The following KCNIP4 variants were observed in gnomAD, a reference collection of about 807,000 sequenced individuals.
KCNIP4 encodes potassium voltage-gated channel interacting protein 4, also known as Kv channel-interacting protein 4.
A neutral mutation model predicts 34.0 loss-of-function variants in KCNIP4; 12 were observed. The ratio of observed to expected loss-of-function variants is 0.35; its 90% CI spans 0.23 to 0.57. KCNIP4 has a LOEUF of 0.57. Among genes scored for constraint, KCNIP4 ranks in the 20% least tolerant of loss-of-function variants. KCNIP4 has a pLI of 0.83. For synonymous variants in KCNIP4, 124 were observed against 102.2 expected (o/e 1.21, Z -1.29); for missense variants, 238 against 311.7 (o/e 0.76, Z 1.78).
chr4:21,541,996 G>T (rs1255651483), intron 1 of KCNIP4, among the ~76,000 whole-genome samples: 2 of 152,136 alleles, frequency 1.3e-5, no homozygotes, highest in Non-Finnish European at 2.9e-5. Context: ...AGTTAATACT[G>T]CTCCTTTTCT....
chr4:21,112,066 TATCTATC>T (rs1166169607), intron 1 of KCNIP4, among the ~76,000 whole-genome samples: 1 of 149,994 alleles, frequency 6.7e-6, no homozygotes, highest in Non-Finnish European at 1.5e-5. Flanking sequence ...TCTATCTATC[TATCTATC>T]ATCTATATCA....
chr4:21,746,062 G>A (rs1056989626), intron 1 of KCNIP4, among the ~76,000 whole-genome samples: 11 of 152,056 alleles, frequency 7.2e-5, no homozygotes, highest in African/African-American at 2.4e-5. Flanking sequence ...TTTGCAAATG[G>A]CCACATTCTT....
chr4:21,200,201 C>A (rs1483618443), intron 1 of KCNIP4, among the ~76,000 whole-genome samples: 1 of 151,504 alleles, frequency 6.6e-6, no homozygotes, highest in African/African-American at 2.4e-5. Context: ...AAAAAAGACA[C>A]CTGCATGCAT....
intron 1 of KCNIP4, among the ~76,000 whole-genome samples, chr4:21,715,338 G>A (rs1284008536): frequency 1.3e-5 from 2 of 151,932 alleles, no homozygotes; most frequent in African/African-American, 4.8e-5. Flanking sequence ...CACCGTGTTG[G>A]CCAGGATGGT....
rs146432771 is a variant in KCNIP4 at position 21,386,725 on chromosome 4, C to T, written c.62-504016G>A. On this transcript the variant is annotated intron_variant, in intron 1 of 8. Transcript: ENST00000382152. ...TCCTCAGGTGAGGGAGGGGACACGA[C>T]TAACATTTTTAGAGTGTTTATGGTG... Among the ~76,000 whole-genome samples, 437 of 152,188 alleles carry T rather than the reference C, an allele frequency of 2.9e-3. 4 individuals are homozygous for T. The highest frequency in any genetic ancestry group is 6.0e-3 in the South Asian group (29 of 4,828).
At chr4:21,319,596 T>C (rs1455187989) in intron 1 of KCNIP4, among the ~76,000 whole-genome samples, 1 of 152,198 alleles carries the variant, frequency 6.6e-6, no homozygotes, top group Non-Finnish European at 1.5e-5. Context: ...CCTAGTAGCC[T>C]GATAAATATC....
At chr4:21,110,718 C>T (rs1019435056) in intron 1 of KCNIP4, among the ~76,000 whole-genome samples, 3 of 152,084 alleles carry the variant, frequency 2.0e-5, no homozygotes, top group Admixed American at 1.3e-4. Context: ...GAATAAGTAC[C>T]CTTATACAGG....
intron 1 of KCNIP4, among the ~76,000 whole-genome samples, chr4:21,187,061 A>C (rs1009912679): frequency 6.6e-6 from 1 of 152,192 alleles, no homozygotes; most frequent in Admixed American, 6.5e-5. Flanking sequence ...GCTTAAGGCA[A>C]TGTGGATATT....
chr4:21,492,841 T>C (rs1236830715), intron 1 of KCNIP4, among the ~76,000 whole-genome samples: 4 of 152,190 alleles, frequency 2.6e-5, no homozygotes, highest in African/African-American at 9.6e-5. Flanking sequence ...TAATAAACAT[T>C]TCATTCTCTA....
intron 1 of KCNIP4, among the ~76,000 whole-genome samples, chr4:21,516,440 A>T (rs1218305142): frequency 6.6e-6 from 1 of 152,162 alleles, no homozygotes; most frequent in Non-Finnish European, 1.5e-5. Flanking sequence ...TAATGAAAGG[A>T]CCTGGGGAGA....
chr4:21,587,843 G>A (rs1371408174), intron 1 of KCNIP4, among the ~76,000 whole-genome samples: 1 of 152,008 alleles, frequency 6.6e-6, no homozygotes, highest in East Asian at 1.9e-4. Flanking sequence ...TACACATCTT[G>A]CCCAAAGAGA....
chr4:20,876,050 A>T (rs1050950335), intron 2 of KCNIP4, among the ~76,000 whole-genome samples: 1 of 152,212 alleles, frequency 6.6e-6, no homozygotes, highest in Non-Finnish European at 1.5e-5. Flanking sequence ...TTCTGCTCAA[A>T]TAAAAAACAA....
intron 1 of KCNIP4, among the ~76,000 whole-genome samples, chr4:21,686,661 C>T (rs984512005): frequency 6.6e-6 from 1 of 152,168 alleles, no homozygotes; most frequent in Non-Finnish European, 1.5e-5. Context: ...AGAATTCACA[C>T]TTCCAAAGCT....
chr4:21,827,997 C>A (rs1722769165), intron 1 of KCNIP4, among the ~76,000 whole-genome samples: 1 of 142,646 alleles, frequency 7.0e-6, no homozygotes. Context: ...GGAAAAAAGG[C>A]ACCATTAATG....
intron 3 of KCNIP4, among the ~76,000 whole-genome samples, chr4:20,783,806 T>C (rs1474052281): frequency 6.6e-6 from 1 of 152,212 alleles, no homozygotes; most frequent in African/African-American, 2.4e-5. Context: ...GGAATTCAGA[T>C]ACCTCTTAAT....
At chr4:21,802,849 T>C (rs1292457564) in intron 1 of KCNIP4, among the ~76,000 whole-genome samples, 1 of 152,196 alleles carries the variant, frequency 6.6e-6, no homozygotes, top group African/African-American at 2.4e-5. Context: ...GCACCCCAAC[T>C]TTCATTCCCA....
At chr4:21,492,244 A>T (rs1419865555) in intron 1 of KCNIP4, among the ~76,000 whole-genome samples, 4 of 152,080 alleles carry the variant, frequency 2.6e-5, no homozygotes, top group Non-Finnish European at 5.9e-5. Context: ...TTTGAGACAG[A>T]GTCTCACTCT....
At chr4:21,314,028 G>A (rs1713465989) in intron 1 of KCNIP4, among the ~76,000 whole-genome samples, 1 of 152,140 alleles carries the variant, frequency 6.6e-6, no homozygotes, top group African/African-American at 2.4e-5. Flanking sequence ...GAAGCTCTGT[G>A]TCCTAAGATC....
chr4:20,913,477 C>T (rs1728524477), intron 1 of KCNIP4, among the ~76,000 whole-genome samples: 1 of 152,036 alleles, frequency 6.6e-6, no homozygotes, highest in South Asian at 2.1e-4. Flanking sequence ...ATTGCATAAC[C>T]TTGTGAATAT....
Sources: allele counts gnomAD v4.1 joint callset (sites outside exome capture counted in the v4.1 genomes callset), GRCh38; gene constraint gnomAD v4.1.1; transcripts MANE v1.5; gene names NCBI Gene and HGNC (gene_info 2026-07-23, HGNC 2026-07-21).